The following SCYL2 variants were observed in gnomAD, a reference collection of about 807,000 sequenced individuals.
SCYL2 encodes SCY1-like protein 2.
SCYL2 carries 36 observed loss-of-function variants against 100.4 expected under a neutral mutation model. That is an observed-to-expected ratio of 0.36 (90% confidence interval 0.27 to 0.47). The LOEUF (loss-of-function observed/expected upper bound fraction) is 0.47. Among genes scored for constraint, SCYL2 ranks in the 20% least tolerant of loss-of-function variants. The pLI is 1.00. For missense variants in SCYL2, 902 were observed against 1,083.9 expected, an observed-to-expected ratio of 0.83 and a Z score of 2.36; for synonymous variants, 330 against 359.2, an observed-to-expected ratio of 0.92 and a Z score of 0.92.
chr12:100,278,620 TG>T (rs990414527), intron 1 of SCYL2, among the ~76,000 whole-genome samples: 3 of 150,040 alleles, frequency 2.0e-5, no homozygotes, highest in African/African-American at 7.5e-5. Flanking sequence ...CTGCCAAATT[TG>T]GGGAAATTCT....
chr12:100,321,163 ACT>A (rs1478806995), intron 10 of SCYL2, among the ~76,000 whole-genome samples: 103 of 152,264 alleles, frequency 6.8e-4, no homozygotes, highest in African/African-American at 2.4e-3. Flanking sequence ...CAAACAATTA[ACT>A]CTCTTACATT....
chr12:100,335,941 T>C (rs369024736), intron 16 of SCYL2, 35 bp downstream of exon 16: 109 of 1,512,706 alleles, frequency 7.2e-5, no homozygotes, highest in Middle Eastern at 1.7e-4. Flanking sequence ...GCCCTCTTAT[T>C]TTATGCTGTA....
At chr12:100,299,692 A>G (rs2096325275) in intron 4 of SCYL2, among the ~76,000 whole-genome samples, 1 of 152,106 alleles carries the variant, frequency 6.6e-6, no homozygotes, top group Non-Finnish European at 1.5e-5. Context: ...GTGTGTATCA[A>G]TAGTTGATTC....
At chr12:100,270,640 T>A (rs1421248817) in intron 1 of SCYL2, among the ~76,000 whole-genome samples, 22 of 150,056 alleles carry the variant, frequency 1.5e-4, no homozygotes, top group Middle Eastern at 3.4e-3. Context: ...TTTTTTTTTT[T>A]AATATTTTTA....
Position 100,267,180 on chromosome 12 carries a change from C to G in SCYL2, c.-641C>G, listed in dbSNP as rs1241654667. ...GCCCCCGGCCGGCAGGTCTTTTAGT[C>G]TTTTTCCCCCTCCCTTACTCTTCGT... is the stretch of plus-strand genomic sequence containing the variant. On this transcript the variant is annotated 5_prime_UTR_variant, in exon 1 of 18. Transcript: ENST00000360820. 28 of 1,254,924 alleles carry G rather than the reference C, an allele frequency of 2.2e-5. No individual in the cohort carries two copies. The highest frequency in any genetic ancestry group is 6.9e-5 in the South Asian group (5 of 72,034). The allele number at this position is 1,254,924 out of a possible 1,614,324, so 77.7% of individuals were successfully genotyped here. A position where few individuals can be genotyped will look rare whatever the true frequency, so the allele number is the denominator to read the frequency against.
intron 1 of SCYL2, among the ~76,000 whole-genome samples, chr12:100,276,230 A>G (rs2096292355): frequency 2.0e-5 from 3 of 152,148 alleles, no homozygotes; most frequent in Admixed American, 2.0e-4. Context: ...TTTTCCTTAA[A>G]TGTTTGATGA....
intron 16 of SCYL2, 145 bp from the exon 17 acceptor site, chr12:100,337,242 C>A: frequency 1.1e-6 from 1 of 932,046 alleles, no homozygotes; most frequent in Non-Finnish European, 1.6e-6. Context: ...ATTTGAAATA[C>A]AGCTTACTGT....
chr12:100,269,901 T>G (rs2096285576), intron 1 of SCYL2, among the ~76,000 whole-genome samples: 1 of 152,218 alleles, frequency 6.6e-6, no homozygotes, highest in Non-Finnish European at 1.5e-5. Flanking sequence ...GTTATTTAGA[T>G]GTTCACCAGA....
intron 16 of SCYL2, among the ~76,000 whole-genome samples, chr12:100,336,697 TTTC>T (rs1952281910): frequency 6.6e-6 from 1 of 152,136 alleles, no homozygotes; most frequent in Admixed American, 6.6e-5. Flanking sequence ...AGCACATTTT[TTTC>T]TTCTCTATTT....
intron 13 of SCYL2, 191 bp from the exon 14 acceptor site, chr12:100,333,975 A>T: frequency 2.1e-6 from 1 of 466,074 alleles, no homozygotes; most frequent in Non-Finnish European, 3.8e-6. Context: ...ATCACCAAAG[A>T]TATTATAAAA....
In SCYL2 at chr12:100,309,797, A is replaced by C. The variant is rs1346256623; in HGVS notation, c.481-1247A>C. ...CAGTTCTTTGCAGTATCTACCCAGA[A>C]ATAGAATTGCTGGATCATACACTGA... On this transcript the variant is annotated intron_variant, in intron 4 of 17. Coordinates refer to ENST00000360820, the MANE Select transcript of SCYL2 (RefSeq NM_017988.6). Among the ~76,000 whole-genome samples the C allele has an allele frequency of 2.6e-5, 4 of 152,204 alleles. No individual in the cohort carries two copies. In the East Asian group the frequency reaches 7.7e-4, roughly 29 times the overall value.
Position 100,291,601 on chromosome 12 carries a change from G to A in SCYL2, c.276G>A (p.Gln92=). The A allele has an allele frequency of 6.2e-7, 1 of 1,600,434 alleles. No individual in the cohort carries two copies. The highest frequency in any genetic ancestry group is 8.5e-7 in the Non-Finnish European group (1 of 1,175,676). The change falls in exon 3 of 18, where the codon CAG becomes CAA. Residue 92 remains glutamine (Q), a synonymous_variant. Coordinates refer to ENST00000360820, the MANE Select transcript of SCYL2 (RefSeq NM_017988.6). The stretch of plus-strand genomic sequence containing the variant: ...ATTCTCTAAAACGAGGAGTCCAACA[G>A]TTAACTCGGCTTCGACACCCTCGAC... ...IIDSLKRGVQ[Q]LTRLRHPRLL...
At chr12:100,280,542 C>T (rs1391889068) in intron 1 of SCYL2, among the ~76,000 whole-genome samples, 1 of 152,142 alleles carries the variant, frequency 6.6e-6, no homozygotes, top group African/African-American at 2.4e-5. Context: ...TAACTTTCTT[C>T]AACTAAAGAT....
chr12:100,280,655 C>G lies in SCYL2; in HGVS notation c.-28-2288C>G, dbSNP rs1164282460. Among the ~76,000 whole-genome samples the G allele has an allele frequency of 2.0e-5, 3 of 152,116 alleles. No individual in the cohort carries two copies. In the East Asian group the frequency reaches 5.8e-4, roughly 29 times the overall value. On this transcript the variant is annotated intron_variant, in intron 1 of 17. Transcript: ENST00000360820. ...TTAATACAGGTTGAATATCCCTAAT[C>G]CAAAAATCTGAAATGCTCCAGAATC...
chr12:100,306,810 A>G (rs755352933), intron 4 of SCYL2, among the ~76,000 whole-genome samples: 1 of 152,216 alleles, frequency 6.6e-6, no homozygotes, highest in Non-Finnish European at 1.5e-5. Context: ...CTCAGGATAC[A>G]AAATCAATAA....
intron 8 of SCYL2, 130 bp downstream of exon 8, chr12:100,314,744 T>G: frequency 1.1e-6 from 1 of 926,490 alleles, no homozygotes; most frequent in Non-Finnish European, 1.6e-6. Context: ...TATAAAACAC[T>G]GCCAACTGAA....
At chr12:100,298,785 T>C (rs2096324044) in intron 4 of SCYL2, among the ~76,000 whole-genome samples, 2 of 152,194 alleles carry the variant, frequency 1.3e-5, no homozygotes, top group African/African-American at 2.4e-5. Flanking sequence ...GGTTTCATCA[T>C]GTTGGCCAGG....
At chr12:100,285,772 T>A (rs1198285138) in intron 2 of SCYL2, among the ~76,000 whole-genome samples, 1 of 152,214 alleles carries the variant, frequency 6.6e-6, no homozygotes, top group Admixed American at 6.5e-5. Flanking sequence ...CTTAAAATGG[T>A]CATTTGAATA....
intron 4 of SCYL2, among the ~76,000 whole-genome samples, chr12:100,301,111 C>T (rs1429631809): frequency 3.3e-5 from 5 of 152,210 alleles, no homozygotes; most frequent in South Asian, 2.1e-4. Context: ...TTTACATCCC[C>T]GCCAACAGTG....
Sources: allele counts gnomAD v4.1 joint callset (sites outside exome capture counted in the v4.1 genomes callset), GRCh38; gene constraint gnomAD v4.1.1; transcripts MANE v1.5; gene names NCBI Gene and HGNC (gene_info 2026-07-23, HGNC 2026-07-21).